The following ZNF521 variants were observed in gnomAD, a reference collection of about 807,000 sequenced individuals.
ZNF521 encodes zinc finger protein 521.
Under a neutral mutation model 105.5 loss-of-function variants are expected in ZNF521, and 14 were observed. The ratio of observed to expected loss-of-function variants is 0.13; its 90% CI spans 0.09 to 0.21. The LOEUF is 0.21. Ranked by LOEUF, ZNF521 falls within the 10% of genes least tolerant of loss-of-function variation. ZNF521 has a pLI of 1.00. For missense variants in ZNF521, 1,233 were observed against 1,629.7 expected, an observed-to-expected ratio of 0.76 and a Z score of 4.19; for synonymous variants, 635 against 606.0, an observed-to-expected ratio of 1.05 and a Z score of -0.70.
chr18:25,112,346 C>G (rs780894560), intron 5 of ZNF521, among the ~76,000 whole-genome samples: 1 of 152,110 alleles, frequency 6.6e-6, no homozygotes, highest in African/African-American at 2.4e-5. Flanking sequence ...TTCATCCCAT[C>G]AGGGCCCCTT....
At chr18:25,241,797 A>G (rs906027592) in intron 3 of ZNF521, among the ~76,000 whole-genome samples, 17 of 152,294 alleles carry the variant, frequency 1.1e-4, no homozygotes, top group Non-Finnish European at 2.1e-4. Flanking sequence ...AAAAACCATT[A>G]TTTGTAAGTA....
intron 5 of ZNF521, among the ~76,000 whole-genome samples, chr18:25,173,703 T>C (rs531548120): frequency 9.9e-5 from 15 of 152,008 alleles, no homozygotes; most frequent in South Asian, 8.3e-4. Flanking sequence ...ATGGGAAAAA[T>C]ATAAAACGAA....
chr18:25,206,251 G>A (rs1013768834), intron 4 of ZNF521, among the ~76,000 whole-genome samples: 6 of 151,876 alleles, frequency 4.0e-5, no homozygotes, highest in African/African-American at 7.3e-5. Context: ...CAAGTGATCC[G>A]CCCACTTTGG....
chr18:25,258,460 G>T (rs1038946474), intron 3 of ZNF521, among the ~76,000 whole-genome samples: 4 of 152,182 alleles, frequency 2.6e-5, no homozygotes, highest in African/African-American at 9.7e-5. Context: ...AGGTGTATGT[G>T]AAGAGGGATT....
intron 3 of ZNF521, among the ~76,000 whole-genome samples, chr18:25,257,573 T>A (rs1908608204): frequency 6.6e-6 from 1 of 152,146 alleles, no homozygotes; most frequent in South Asian, 2.1e-4. Flanking sequence ...GAGTCAGAAA[T>A]CCATTCGTAA....
intron 5 of ZNF521, among the ~76,000 whole-genome samples, chr18:25,146,573 A>G (rs1300351080): frequency 3.3e-5 from 5 of 152,212 alleles, no homozygotes; most frequent in East Asian, 3.8e-4. Flanking sequence ...TGCTTTTCAA[A>G]AAAAGCCCCC....
intron 3 of ZNF521, among the ~76,000 whole-genome samples, chr18:25,262,286 C>T (rs1297530109): frequency 9.2e-5 from 14 of 152,118 alleles, no homozygotes; most frequent in African/African-American, 3.4e-4. Context: ...AATTTTAAGG[C>T]AGATACTTTT....
chr18:25,234,090 A>C (rs1229070636), intron 3 of ZNF521, among the ~76,000 whole-genome samples: 3 of 152,010 alleles, frequency 2.0e-5, no homozygotes, highest in Admixed American at 6.5e-5. Context: ...AGACAGAAGG[A>C]AAAGTGGTTT....
intron 3 of ZNF521, among the ~76,000 whole-genome samples, chr18:25,270,664 A>T (rs986938942): frequency 2.0e-5 from 3 of 152,190 alleles, no homozygotes; most frequent in African/African-American, 7.2e-5. Context: ...AAACAGAACC[A>T]ATGACAAAAA....
intron 5 of ZNF521, among the ~76,000 whole-genome samples, chr18:25,139,536 G>C (rs113818635): frequency 1.6e-4 from 25 of 152,244 alleles, no homozygotes; most frequent in African/African-American, 6.0e-4. Flanking sequence ...ACACAGAAGA[G>C]AGCTGCCATC....
chr18:25,152,969 C>T (rs1214690168), intron 5 of ZNF521, among the ~76,000 whole-genome samples: 2 of 152,050 alleles, frequency 1.3e-5, no homozygotes, highest in Non-Finnish European at 2.9e-5. Context: ...CCCGAAATAC[C>T]CCCCAAACAC....
At chr18:25,231,018 C>T (rs1381966858) in intron 3 of ZNF521, among the ~76,000 whole-genome samples, 1 of 152,110 alleles carries the variant, frequency 6.6e-6, no homozygotes, top group Non-Finnish European at 1.5e-5. Flanking sequence ...AAAGTAGAGC[C>T]GCCTGACTTT....
chr18:25,155,909 A>T (rs1479231224), intron 5 of ZNF521, among the ~76,000 whole-genome samples: 1 of 152,222 alleles, frequency 6.6e-6, no homozygotes, highest in East Asian at 1.9e-4. Context: ...ATTCTCACTT[A>T]TATGTGTAAT....
intron 3 of ZNF521, among the ~76,000 whole-genome samples, chr18:25,248,004 T>C (rs753995552): frequency 9.9e-5 from 15 of 152,204 alleles, no homozygotes; most frequent in South Asian, 2.1e-4. Context: ...TTAGTCACTA[T>C]ATGGTTGGTT....
At chr18:25,193,328 G>T (rs1410999333) in intron 5 of ZNF521, among the ~76,000 whole-genome samples, 1 of 152,040 alleles carries the variant, frequency 6.6e-6, no homozygotes, top group East Asian at 1.9e-4. Context: ...ACATTGTGGT[G>T]AAAATATATT....
intron 4 of ZNF521, among the ~76,000 whole-genome samples, chr18:25,213,174 C>T (rs1476823046): frequency 7.7e-6 from 1 of 130,140 alleles, no homozygotes; most frequent in Non-Finnish European, 1.7e-5. Flanking sequence ...TACATTATAA[C>T]ATATATTATA....
chr18:25,292,826 T>C (rs1439006964), intron 3 of ZNF521, among the ~76,000 whole-genome samples: 2 of 152,194 alleles, frequency 1.3e-5, no homozygotes, highest in African/African-American at 4.8e-5. Flanking sequence ...CTGTTTTTAT[T>C]TGTTCTTTAA....
At chr18:25,145,407 CTA>C (rs1044794638) in intron 5 of ZNF521, among the ~76,000 whole-genome samples, 108 of 152,232 alleles carry the variant, frequency 7.1e-4, no homozygotes, top group African/African-American at 2.5e-3. Flanking sequence ...TGTTATCGAT[CTA>C]TAGTTTTTGT....
At chr18:25,271,182 G>A (rs1164733748) in intron 3 of ZNF521, among the ~76,000 whole-genome samples, 1 of 152,102 alleles carries the variant, frequency 6.6e-6, no homozygotes, top group African/African-American at 2.4e-5. Context: ...TTGCTACAAG[G>A]AGAATAAAAT....
Sources: allele counts gnomAD v4.1 joint callset (sites outside exome capture counted in the v4.1 genomes callset), GRCh38; gene constraint gnomAD v4.1.1; transcripts MANE v1.5; gene names NCBI Gene and HGNC (gene_info 2026-07-23, HGNC 2026-07-21).